The following PINX1 variants were observed in gnomAD, a reference collection of about 807,000 sequenced individuals.
The protein encoded by PINX1 is PIN2/TERF1-interacting telomerase inhibitor 1.
Under a neutral mutation model 25.4 loss-of-function variants are expected in PINX1, and 34 were observed. That is an observed-to-expected ratio of 1.34 (90% confidence interval 1.02 to 1.78). The LOEUF (loss-of-function observed/expected upper bound fraction) is 1.78. PINX1 is among the 40% of genes most tolerant of loss of function. The pLI, the probability that PINX1 is intolerant of heterozygous loss-of-function variation, is 0.00. For missense variants in PINX1, 592 were observed against 404.9 expected (o/e 1.46, Z -3.97); for synonymous variants, 197 against 147.7 (o/e 1.33, Z -2.42).
At chr8:10,769,618 T>C (rs1283515610) in intron 6 of PINX1, among the ~76,000 whole-genome samples, 3 of 152,194 alleles carry the variant, frequency 2.0e-5, no homozygotes, top group Admixed American at 6.5e-5. Context: ...TGCCAGGCAC[T>C]TGACATCAAG....
intron 6 of PINX1, among the ~76,000 whole-genome samples, chr8:10,804,725 A>C (rs1802383031): frequency 6.6e-6 from 1 of 151,106 alleles, no homozygotes; most frequent in African/African-American, 2.4e-5. Context: ...AAAATACAAA[A>C]TTAGCAGGCC....
At chr8:10,790,764 C>A (rs1003779182) in intron 6 of PINX1, among the ~76,000 whole-genome samples, 1 of 152,142 alleles carries the variant, frequency 6.6e-6, no homozygotes, top group South Asian at 2.1e-4. Flanking sequence ...TTTATCTCTG[C>A]TGCTAAAGGG....
intron 6 of PINX1, among the ~76,000 whole-genome samples, chr8:10,785,689 C>T (rs569463759): frequency 1.3e-5 from 2 of 152,296 alleles, no homozygotes; most frequent in South Asian, 4.1e-4. Context: ...ATCTTAAATA[C>T]AAATGCTTTT....
chr8:10,770,129 G>C (rs560852760), intron 6 of PINX1, among the ~76,000 whole-genome samples: 1 of 152,204 alleles, frequency 6.6e-6, no homozygotes, highest in Non-Finnish European at 1.5e-5. Flanking sequence ...TAAAACCCAA[G>C]TCCAAACCTT....
intron 6 of PINX1, among the ~76,000 whole-genome samples, chr8:10,797,486 G>C (rs775186955): frequency 6.6e-6 from 1 of 152,110 alleles, no homozygotes; most frequent in Non-Finnish European, 1.5e-5. Flanking sequence ...CAATATTGTT[G>C]TTTAAAACAA....
intron 6 of PINX1, among the ~76,000 whole-genome samples, chr8:10,790,698 G>A (rs546501274): frequency 6.6e-6 from 1 of 152,240 alleles, no homozygotes; most frequent in African/African-American, 2.4e-5. Flanking sequence ...CTGGAACAGC[G>A]ACCTCTACCT....
chr8:10,774,072 G>C (rs1016915321), intron 6 of PINX1, among the ~76,000 whole-genome samples: 7 of 152,176 alleles, frequency 4.6e-5, no homozygotes, highest in African/African-American at 1.7e-4. Context: ...AAACAGCTTT[G>C]ATAAACAGCT....
intron 6 of PINX1, among the ~76,000 whole-genome samples, chr8:10,815,887 G>A (rs1272851312): frequency 6.6e-6 from 1 of 152,208 alleles, no homozygotes; most frequent in Non-Finnish European, 1.5e-5. Context: ...ACTGAGCATG[G>A]CTAAGTGCAG....
intron 6 of PINX1, among the ~76,000 whole-genome samples, chr8:10,787,060 C>T (rs1045081271): frequency 6.6e-6 from 1 of 152,098 alleles, no homozygotes; most frequent in Non-Finnish European, 1.5e-5. Flanking sequence ...AACAGTTTGA[C>T]TCTTACCCAA....
At chr8:10,766,019 C>G (rs1047498246) in intron 6 of PINX1, 103 bp from the exon 7 acceptor site, 7 of 1,144,608 alleles carry the variant, frequency 6.1e-6, no homozygotes, top group South Asian at 1.5e-5. Context: ...GGCACCCACA[C>G]CCGGCGCTCA....
At chr8:10,780,877 A>G (rs1801564638) in intron 6 of PINX1, among the ~76,000 whole-genome samples, 1 of 152,202 alleles carries the variant, frequency 6.6e-6, no homozygotes, top group Non-Finnish European at 1.5e-5. Context: ...TGGAACCACA[A>G]AAGACCTCGA....
intron 6 of PINX1, among the ~76,000 whole-genome samples, chr8:10,804,677 G>C (rs769002173): frequency 6.6e-6 from 1 of 151,716 alleles, no homozygotes; most frequent in East Asian, 1.9e-4. Context: ...TGGTTTCATC[G>C]GAAGGAATGA....
chr8:10,778,631 A>G (rs1586140767), intron 6 of PINX1, among the ~76,000 whole-genome samples: 1 of 152,214 alleles, frequency 6.6e-6, no homozygotes, highest in Admixed American at 6.5e-5. Flanking sequence ...TTCACAATGC[A>G]TATCACCATC....
intron 6 of PINX1, among the ~76,000 whole-genome samples, chr8:10,773,799 T>C (rs1801304122): frequency 6.6e-6 from 1 of 152,198 alleles, no homozygotes; most frequent in African/African-American, 2.4e-5. Context: ...ACAAGAGTCA[T>C]CCAGCCTCTG....
At position 10,810,720 on chromosome 8, in the gene PINX1, G is replaced by C. The variant is rs374010299; in HGVS notation, c.471+9473C>G. The stretch of plus-strand genomic sequence containing the variant: ...AAGGAAAACAAGTAACCAAATGTCT[G>C]TACTTCCACCCAAAACTGCAGAGAA... On this transcript the variant is annotated intron_variant, in intron 6 of 6. Transcript: ENST00000314787. Among the ~76,000 whole-genome samples, 4 of 152,318 alleles carry C rather than the reference G, an allele frequency of 2.6e-5. No homozygotes were observed. In the South Asian group the frequency reaches 8.3e-4, roughly 32 times the overall value.
At chr8:10,787,516 A>G (rs1352976263) in intron 6 of PINX1, 3 of 206,236 alleles carry the variant, frequency 1.5e-5, no homozygotes, top group African/African-American at 7.0e-5. Flanking sequence ...GTGAGCTACC[A>G]TGCTTGGCTG....
At chr8:10,788,237 A>G (rs1405706680) in intron 6 of PINX1, among the ~76,000 whole-genome samples, 2 of 152,196 alleles carry the variant, frequency 1.3e-5, no homozygotes, top group Non-Finnish European at 2.9e-5. Context: ...TTTTATACAC[A>G]TGTAAAGTTC....
intron 4 of PINX1, among the ~76,000 whole-genome samples, chr8:10,831,089 A>C (rs1473591364): frequency 1.3e-5 from 2 of 152,224 alleles, no homozygotes; most frequent in African/African-American, 4.8e-5. Context: ...TGGTGCATAC[A>C]CACCACGGAA....
chr8:10,807,294 T>C (rs569559091), intron 6 of PINX1, among the ~76,000 whole-genome samples: 4 of 147,712 alleles, frequency 2.7e-5, no homozygotes, highest in African/African-American at 7.5e-5. Flanking sequence ...AATAAGAAGG[T>C]TGGAAAATAA....
Sources: allele counts gnomAD v4.1 joint callset (sites outside exome capture counted in the v4.1 genomes callset), GRCh38; gene constraint gnomAD v4.1.1; transcripts MANE v1.5; gene names NCBI Gene and HGNC (gene_info 2026-07-23, HGNC 2026-07-21).